The following TMPRSS9 variants were observed in gnomAD, a reference collection of about 807,000 sequenced individuals.
TMPRSS9 encodes transmembrane protease serine 9.
TMPRSS9 carries 113 observed loss-of-function variants against 111.4 expected under a neutral mutation model. The observed-to-expected ratio is 1.01, with a 90% CI of 0.87 to 1.19. The LOEUF (loss-of-function observed/expected upper bound fraction) is 1.19. TMPRSS9 is among the 50% of genes most tolerant of loss of function. TMPRSS9 has a pLI of 0.00. For synonymous variants in TMPRSS9, 805 were observed against 659.1 expected, an observed-to-expected ratio of 1.22 and a Z score of -3.39; for missense variants, 1,803 against 1,513.1, an observed-to-expected ratio of 1.19 and a Z score of -3.18.
rs934732894 is a variant in TMPRSS9 at position 2,425,675 on chromosome 19, C to G, written c.3120+182C>G. On this transcript the variant is annotated intron_variant, in intron 17 of 17. Transcript: ENST00000648592. ...ACTCCACAGCCGTTTATTGGGCAAC[C>G]CACCGCATCCCATCCCCGGGCCTCG... 2.4e-6 allele frequency: 3 copies of G among 1,258,514 alleles called. No individual in the cohort carries two copies. The African/African-American group carries it at 4.7e-5, about 20-fold the overall frequency. 78.0% of individuals were successfully genotyped at this position (1,258,514 alleles called of 1,614,324 possible). A position where few individuals can be genotyped will look rare whatever the true frequency, so the allele number is the denominator to read the frequency against.
intron 14 of TMPRSS9, among the ~76,000 whole-genome samples, chr19:2,423,253 CAA>C (rs946568815): frequency 5.3e-5 from 8 of 151,822 alleles, no homozygotes; most frequent in Admixed American, 2.6e-4. Flanking sequence ...TCTTTGGGCC[CAA>C]AAGAGGTGGA....
At chr19:2,367,689 A>G (rs1024901484) in intron 1 of TMPRSS9, among the ~76,000 whole-genome samples, 42 of 151,530 alleles carry the variant, frequency 2.8e-4, no homozygotes, top group Admixed American at 1.4e-3. Context: ...TCAGCCTCCC[A>G]AGTAGCTGGG....
chr19:2,382,436 C>T (rs1341804335), intron 1 of TMPRSS9, among the ~76,000 whole-genome samples: 1 of 152,188 alleles, frequency 6.6e-6, no homozygotes, highest in South Asian at 2.1e-4. Context: ...CCGGTCAAAA[C>T]ATTTTTTTAG....
intron 13 of TMPRSS9, among the ~76,000 whole-genome samples, chr19:2,420,003 T>TA (rs895259161): frequency 5.3e-5 from 8 of 150,888 alleles, no homozygotes; most frequent in South Asian, 4.2e-4. Flanking sequence ...TACAAAAATT[T>TA]AAAAAAAAAA....
chr19:2,420,406 C>T (rs1441664071), intron 13 of TMPRSS9, among the ~76,000 whole-genome samples: 2 of 147,246 alleles, frequency 1.4e-5, no homozygotes, highest in South Asian at 2.1e-4. Flanking sequence ...CATGTCACTG[C>T]ACTCCAGCCC....
chr19:2,401,961 C>G lies in TMPRSS9; in HGVS notation c.515-14C>G, dbSNP rs776027625. 1 of 1,606,544 alleles carries G rather than the reference C, an allele frequency of 6.2e-7. No homozygotes were observed. Among genetic ancestry groups the G allele is most frequent in the Non-Finnish European group, 8.5e-7 (1 of 1,175,428 alleles). On this transcript the variant is annotated splice_polypyrimidine_tract_variant and intron_variant, in intron 4 of 17. Transcript: ENST00000648592. ...CTTATTCAGTGAGCTTCTATCTTCT[C>G]TGTTTTGTTGCAGGGAGACATAAGG...
upstream of TMPRSS9, among the ~76,000 whole-genome samples, chr19:2,387,864 C>G (rs1398518632): frequency 6.6e-6 from 1 of 152,074 alleles, no homozygotes; most frequent in Non-Finnish European, 1.5e-5. Context: ...CTGATGGACA[C>G]TTCAAAGGCA....
At chr19:2,422,324 ACGT>A (rs1971485952) in intron 14 of TMPRSS9, 77 bp downstream of exon 15, 3 of 1,439,844 alleles carry the variant, frequency 2.1e-6, no homozygotes. Flanking sequence ...ACAAGACATA[ACGT>A]CGTCCACTTT....
At chr19:2,416,883 A>C (rs988809725) in intron 12 of TMPRSS9, 74 bp downstream of exon 13, 2 of 1,508,796 alleles carry the variant, frequency 1.3e-6, no homozygotes, top group Non-Finnish European at 8.9e-7. Context: ...CAGGATGGGC[A>C]TCTCTTACCT....
chr19:2,374,052 T>G (rs1273013796), intron 1 of TMPRSS9, among the ~76,000 whole-genome samples: 2 of 152,066 alleles, frequency 1.3e-5, no homozygotes, highest in Non-Finnish European at 2.9e-5. Flanking sequence ...GTCTAGAAGT[T>G]TCTGTACATT....
At chr19:2,373,935 C>G (rs1477201191) in intron 1 of TMPRSS9, among the ~76,000 whole-genome samples, 1 of 152,178 alleles carries the variant, frequency 6.6e-6, no homozygotes, top group Non-Finnish European at 1.5e-5. Flanking sequence ...ACTGAAGCAA[C>G]AAATGCTTTT....
intron 1 of TMPRSS9, among the ~76,000 whole-genome samples, chr19:2,374,344 C>T (rs956908215): frequency 3.6e-5 from 5 of 138,936 alleles, no homozygotes; most frequent in East Asian, 2.4e-4. Context: ...AGGCCGAGGC[C>T]GGTGGATCAC....
At chr19:2,395,147 G>C (rs945428168) in intron 1 of TMPRSS9, among the ~76,000 whole-genome samples, 1 of 152,172 alleles carries the variant, frequency 6.6e-6, no homozygotes, top group African/African-American at 2.4e-5. Flanking sequence ...GCTGGGTGCA[G>C]TGGCTCACGC....
At chr19:2,383,370 G>A (rs1335115914) in intron 1 of TMPRSS9, among the ~76,000 whole-genome samples, 2 of 150,944 alleles carry the variant, frequency 1.3e-5, no homozygotes, top group Non-Finnish European at 1.5e-5. Context: ...AAAAGGAGAA[G>A]TTAATTGGGC....
intron 5 of TMPRSS9, 45 bp downstream of exon 6, chr19:2,402,061 A>G: frequency 1.3e-6 from 2 of 1,582,222 alleles, no homozygotes; most frequent in Non-Finnish European, 1.7e-6. Context: ...AGTTACTGAC[A>G]GAGGTTTCCT....
intron 14 of TMPRSS9, among the ~76,000 whole-genome samples, chr19:2,423,474 CG>C (rs1386327805): frequency 4.6e-5 from 2 of 43,260 alleles, no homozygotes; most frequent in Non-Finnish European, 9.1e-5. Context: ...GGGTGGGGGG[CG>C]GGGGGGACCC....
At chr19:2,363,821 TGTGA>T (rs1251752006) in intron 1 of TMPRSS9, among the ~76,000 whole-genome samples, 7 of 112,080 alleles carry the variant, frequency 6.2e-5, no homozygotes, top group Non-Finnish European at 6.9e-5. Context: ...CGCGTGTGTG[TGTGA>T]GAGAGAGAGA....
intron 1 of TMPRSS9, among the ~76,000 whole-genome samples, chr19:2,361,902 G>A (rs2145233476): frequency 6.6e-6 from 1 of 152,320 alleles, no homozygotes; most frequent in Middle Eastern, 3.4e-3. Flanking sequence ...CAGGACACCT[G>A]TGGTCCTGGC....
intron 1 of TMPRSS9, among the ~76,000 whole-genome samples, chr19:2,391,601 C>CCT (rs1555677819): frequency 6.7e-6 from 1 of 149,366 alleles, no homozygotes; most frequent in Non-Finnish European, 1.5e-5. Context: ...TGTGTGCATG[C>CCT]GTGTGTGTGT....
Sources: allele counts gnomAD v4.1 joint callset (sites outside exome capture counted in the v4.1 genomes callset), GRCh38; gene constraint gnomAD v4.1.1; transcripts MANE v1.5; gene names NCBI Gene and HGNC (gene_info 2026-07-23, HGNC 2026-07-21).